Variants in PCDH15 observed in about 807,000 individuals in gnomAD.
PCDH15 encodes protocadherin related 15, also known as protocadherin-15.
In PCDH15, 129 loss-of-function variants were observed where a neutral mutation model predicts 178.5. That is an observed-to-expected ratio of 0.72 (90% confidence interval 0.63 to 0.84). PCDH15 has a LOEUF of 0.84. Ranked by LOEUF, PCDH15 falls within the 40% of genes least tolerant of loss-of-function variation. The pLI is 0.00. For synonymous variants in PCDH15, 800 were observed against 732.0 expected (o/e 1.09, Z -1.50); for missense variants, 2,230 against 2,099.9 (o/e 1.06, Z -1.21).
intron 2 of PCDH15, among the ~76,000 whole-genome samples, chr10:54,944,741 T>A (rs1838151547): frequency 6.6e-6 from 1 of 151,900 alleles, no homozygotes; most frequent in Non-Finnish European, 1.5e-5. Context: ...TTTATTGAGA[T>A]ACGATATGTG....
At chr10:54,236,666 T>A (rs182126140) in intron 9 of PCDH15, among the ~76,000 whole-genome samples, 157 bp downstream of exon 9, 1 of 152,314 alleles carries the variant, frequency 6.6e-6, no homozygotes, top group East Asian at 1.9e-4. Context: ...GAAGCAAATA[T>A]CTTGAATTAT....
intron 24 of PCDH15, 51 bp from the exon 25 acceptor site, chr10:53,939,006 A>G (rs1363186576): frequency 6.3e-7 from 1 of 1,578,500 alleles, no homozygotes; most frequent in Non-Finnish European, 8.7e-7. Context: ...CTATAAGGAA[A>G]GAAATTCTCT....
At chr10:54,905,654 C>G (rs890255109) in intron 2 of PCDH15, among the ~76,000 whole-genome samples, 1 of 152,006 alleles carries the variant, frequency 6.6e-6, no homozygotes, top group Non-Finnish European at 1.5e-5. Context: ...GAAACTAGGT[C>G]GTGAAAGAGA....
In PCDH15 at chr10:53,866,788, C is replaced by T. The variant is rs1288942478; in HGVS notation, c.3571G>A (p.Gly1191Arg). The change falls in exon 27 of 38, where the codon GGA becomes AGA. Residue 1191 changes from glycine (G) to arginine (R), a missense_variant. By Grantham distance (125) the Gly-to-Arg change is moderately radical. Coordinates refer to ENST00000644397, the MANE Select transcript of PCDH15 (RefSeq NM_001384140.1). ...GTTTCCACTACAAATCCTTCTTTTCCCTCTTTAATTGGTGGTATTATGAGT... is the reference window on the plus strand; with the variant it reads ...GTTTCCACTACAAATCCTTCTTTTCTCTCTTTAATTGGTGGTATTATGAGT... ...YRLIIPPIKE[G>R]KEGFVVETYT... The T allele has an allele frequency of 6.2e-7, 1 of 1,613,180 alleles. No homozygotes were observed. Among genetic ancestry groups the T allele is most frequent in the African/African-American group, 1.3e-5 (1 of 74,828 alleles).
intron 2 of PCDH15, among the ~76,000 whole-genome samples, chr10:55,541,757 A>C (rs1383198703): frequency 1.3e-5 from 2 of 151,886 alleles, no homozygotes; most frequent in Non-Finnish European, 2.9e-5. Flanking sequence ...ACATTCATTT[A>C]TTCAGTTAAT....
At chr10:55,503,486 A>G (rs937592542) in intron 2 of PCDH15, among the ~76,000 whole-genome samples, 18 of 150,764 alleles carry the variant, frequency 1.2e-4, no homozygotes, top group Non-Finnish European at 2.4e-4. Context: ...TGATAATAAA[A>G]TTTAATTAAT....
chr10:54,086,050 A>T (rs1052187695), intron 16 of PCDH15, among the ~76,000 whole-genome samples: 1 of 152,162 alleles, frequency 6.6e-6, no homozygotes, highest in Non-Finnish European at 1.5e-5. Context: ...TACCTGTCTT[A>T]GTCCATTTGT....
At chr10:55,076,535 T>A (rs546501302) in intron 2 of PCDH15, among the ~76,000 whole-genome samples, 3 of 151,944 alleles carry the variant, frequency 2.0e-5, no homozygotes, top group African/African-American at 7.2e-5. Context: ...CACTGCGACC[T>A]CTGCCTTCAA....
intron 2 of PCDH15, among the ~76,000 whole-genome samples, chr10:55,016,347 T>C (rs1840178880): frequency 6.6e-6 from 1 of 152,144 alleles, no homozygotes; most frequent in African/African-American, 2.4e-5. Context: ...TAATAGATCT[T>C]ATTTATTCTA....
chr10:55,314,276 T>C (rs534489089), intron 1 of PCDH15, among the ~76,000 whole-genome samples: 10 of 150,914 alleles, frequency 6.6e-5, no homozygotes, highest in Non-Finnish European at 1.5e-4. Flanking sequence ...CTTTCTGGAC[T>C]GTTATATATT....
chr10:55,626,304 T>G (rs747417104), intron 2 of PCDH15, among the ~76,000 whole-genome samples: 3 of 152,148 alleles, frequency 2.0e-5, no homozygotes, highest in African/African-American at 4.8e-5. Flanking sequence ...TAAGGCCAGA[T>G]CTTGGATCTT....
intron 1 of PCDH15, among the ~76,000 whole-genome samples, chr10:54,714,959 G>C (rs977176843): frequency 1.3e-5 from 2 of 152,070 alleles, no homozygotes; most frequent in Non-Finnish European, 2.9e-5. Flanking sequence ...GGGGTAGAAA[G>C]TGTATTCTTA....
intron 1 of PCDH15, among the ~76,000 whole-genome samples, chr10:55,274,826 C>T (rs1324034250): frequency 6.6e-6 from 1 of 151,974 alleles, no homozygotes; most frequent in Non-Finnish European, 1.5e-5. Flanking sequence ...GGAGCGTGAC[C>T]TAGATCCCTT....
At chr10:54,243,792 A>G (rs1360226065) in intron 8 of PCDH15, among the ~76,000 whole-genome samples, 1 of 152,014 alleles carries the variant, frequency 6.6e-6, no homozygotes, top group Non-Finnish European at 1.5e-5. Flanking sequence ...AAAGTATCAG[A>G]CATATCGAAA....
At chr10:53,861,439 T>G (rs961736582) in intron 27 of PCDH15, among the ~76,000 whole-genome samples, 3 of 152,098 alleles carry the variant, frequency 2.0e-5, no homozygotes, top group African/African-American at 4.8e-5. Context: ...GGTTGGAAAT[T>G]TACATGTTAC....
At chr10:55,620,046 C>T (rs982537305) in intron 2 of PCDH15, among the ~76,000 whole-genome samples, 1 of 151,910 alleles carries the variant, frequency 6.6e-6, no homozygotes, top group African/African-American at 2.4e-5. Context: ...ACCAGTATGC[C>T]CTTGCCTAAG....
At chr10:55,538,578 T>TTTCC (rs368432762) in intron 2 of PCDH15, among the ~76,000 whole-genome samples, 12 of 46,196 alleles carry the variant, frequency 2.6e-4, no homozygotes, top group African/African-American at 3.2e-4. Context: ...TCCTTCCTCC[T>TTTCC]TTCCTTCCTT....
intron 1 of PCDH15, among the ~76,000 whole-genome samples, chr10:55,266,588 T>C (rs1357365795): frequency 6.6e-6 from 1 of 152,154 alleles, no homozygotes; most frequent in African/African-American, 2.4e-5. Flanking sequence ...ATCCTGTACC[T>C]GTAAAAACCC....
intron 3 of PCDH15, among the ~76,000 whole-genome samples, chr10:54,458,606 T>G (rs2076979504): frequency 6.6e-6 from 1 of 152,166 alleles, no homozygotes; most frequent in Non-Finnish European, 1.5e-5. Flanking sequence ...GGCTAATAGT[T>G]TATATAAACA....
Sources: allele counts gnomAD v4.1 joint callset (sites outside exome capture counted in the v4.1 genomes callset), GRCh38; gene constraint gnomAD v4.1.1; transcripts MANE v1.5; gene names NCBI Gene and HGNC (gene_info 2026-07-23, HGNC 2026-07-21).